Variants in CENPK observed in about 807,000 individuals in gnomAD.
CENPK encodes the protein SoxLZ/Sox6-binding protein Solt.
CENPK carries 46 observed loss-of-function variants against 40.9 expected under a neutral mutation model. That is an observed-to-expected ratio of 1.13 (90% CI 0.89 to 1.44). The LOEUF (loss-of-function observed/expected upper bound fraction) is 1.44, where lower values mean the gene tolerates loss of function less well. Among genes scored for constraint, CENPK ranks in the 40% most tolerant of loss-of-function variants. CENPK has a pLI of 0.00. For synonymous variants in CENPK, 107 were observed against 104.4 expected (o/e 1.02, Z -0.15); for missense variants, 288 against 303.5 (o/e 0.95, Z 0.38).
chr5:65,497,872 A>C, the CENPK span, among the ~76,000 whole-genome samples: 715 of 152,300 alleles, frequency 4.7e-3, 5 homozygotes, highest in African/African-American at 0.017. Flanking sequence ...CCTATTTCAA[A>C]CAAACAAATA....
intron 2 of CENPK, among the ~76,000 whole-genome samples, chr5:65,559,324 C>CATA (rs1561703551): frequency 6.6e-6 from 1 of 152,112 alleles, no homozygotes; most frequent in Non-Finnish European, 1.5e-5. Context: ...ACTTGACAAG[C>CATA]AAATTGTAAA....
chr5:65,512,419 ACT>A, the CENPK span, among the ~76,000 whole-genome samples: 11,275 of 152,210 alleles, frequency 0.074, 424 homozygotes, highest in East Asian at 0.096. Context: ...GGCAAACTTC[ACT>A]GACTTATTTT....
intron 6 of CENPK, among the ~76,000 whole-genome samples, chr5:65,532,264 T>C (rs1442525590): frequency 1.3e-5 from 2 of 152,196 alleles, no homozygotes; most frequent in African/African-American, 4.8e-5. Context: ...TTTTCATCTC[T>C]AAATTTTTAT....
chr5:65,504,431 T>C, the CENPK span, among the ~76,000 whole-genome samples: 1 of 116,974 alleles, frequency 8.5e-6, no homozygotes, highest in Non-Finnish European at 1.6e-5. Context: ...CCCTCCAGCC[T>C]GGGAGACAAG....
At chr5:65,515,368 A>C (rs1026996166), downstream of CENPK, among the ~76,000 whole-genome samples, 2 of 151,714 alleles carry the variant, frequency 1.3e-5, no homozygotes, top group South Asian at 2.1e-4. Context: ...ACGCCCGGCT[A>C]ATTTTTTATA....
chr5:65,501,179 T>G, the CENPK span, among the ~76,000 whole-genome samples: 3 of 132,626 alleles, frequency 2.3e-5, no homozygotes, highest in Non-Finnish European at 4.8e-5. Context: ...AGTTTGTTTT[T>G]TTTTTTTTTT....
At chr5:65,524,135 C>A (rs761148689) in intron 9 of CENPK, among the ~76,000 whole-genome samples, 5 of 151,668 alleles carry the variant, frequency 3.3e-5, no homozygotes, top group Admixed American at 6.6e-5. Flanking sequence ...TAGCACTTTG[C>A]GAGGCCAAGG....
At chr5:65,558,885 T>C (rs1050444874) in intron 2 of CENPK, among the ~76,000 whole-genome samples, 1 of 152,176 alleles carries the variant, frequency 6.6e-6, no homozygotes, top group Non-Finnish European at 1.5e-5. Flanking sequence ...AGAATTATGA[T>C]AGTAGTACTG....
downstream of CENPK, among the ~76,000 whole-genome samples, chr5:65,515,471 G>A (rs1012645729): frequency 1.3e-5 from 2 of 151,988 alleles, no homozygotes; most frequent in Admixed American, 6.6e-5. Context: ...AACAAGTGCT[G>A]GGATTACAGG....
intron 9 of CENPK, among the ~76,000 whole-genome samples, chr5:65,528,222 CAG>C (rs940194587): frequency 4.6e-5 from 7 of 152,150 alleles, no homozygotes; most frequent in African/African-American, 1.4e-4. Context: ...GCCTGGGTGA[CAG>C]AGAGAGACTC....
At position 65,533,301 on chromosome 5, in the gene CENPK, G is replaced by A. The variant is rs375870576; in HGVS notation, c.289-4102C>T. 1.5e-3 allele frequency among the ~76,000 whole-genome samples: 233 copies of A among 151,954 alleles called. 5 individuals carry two copies. The South Asian group carries it at 0.044, about 29-fold the overall frequency. ...GGAGGCAGAGATTGCAGTGAACTGA[G>A]ATCGTGCCATTGCACTCCAGCCTGG... On this transcript the variant is annotated intron_variant, in intron 6 of 10. Coordinates refer to ENST00000396679, the MANE Select transcript of CENPK (RefSeq NM_022145.5).
intron 9 of CENPK, among the ~76,000 whole-genome samples, chr5:65,527,097 CAAAAATAAAAATAAATA>C (rs1289628438): frequency 1.3e-5 from 2 of 151,386 alleles, no homozygotes; most frequent in South Asian, 2.1e-4. Flanking sequence ...ACTCGGTCCC[CAAAAATAAAAATAAATA>C]AAAAATAAAA....
chr5:65,526,001 GAGAGAAAGAAACACAC>G (rs1744643960), intron 9 of CENPK, among the ~76,000 whole-genome samples: 1 of 152,178 alleles, frequency 6.6e-6, no homozygotes. Context: ...TTGTTGGGGA[GAGAGAAAGAAACACAC>G]AGAGAAAGAA....
chr5:65,552,354 A>G (rs1482518271), intron 4 of CENPK, 139 bp downstream of exon 4: 1 of 470,368 alleles, frequency 2.1e-6, no homozygotes, highest in Non-Finnish European at 3.8e-6. Flanking sequence ...AGGAAGAGTA[A>G]GAAGTTTTCC....
At chr5:65,505,981 G>A in the CENPK span, among the ~76,000 whole-genome samples, 2 of 152,148 alleles carry the variant, frequency 1.3e-5, no homozygotes, top group African/African-American at 4.8e-5. Flanking sequence ...TATCCTACTT[G>A]CAGAAATTGT....
the CENPK span, among the ~76,000 whole-genome samples, chr5:65,510,125 C>G: frequency 6.6e-6 from 1 of 152,056 alleles, no homozygotes; most frequent in African/African-American, 2.4e-5. Flanking sequence ...CACTTTAAAT[C>G]AACAGCTGAA....
In CENPK at chr5:65,554,889, C is replaced by A. The variant is rs935938524; in HGVS notation, c.19G>T (p.Asp7Tyr). 2.5e-6 allele frequency: 4 copies of A among 1,587,180 alleles called. No individual in the cohort carries two copies. Among genetic ancestry groups the A allele is most frequent in the African/African-American group, 2.7e-5 (2 of 74,240 alleles). MNQEDLDPDSTTDVGDV... is the reference protein window; with the variant it reads MNQEDLYPDSTTDVGDV... ...CCCACATCTGTAGTACTATCCGGAT[C>A]TAGATCCTCCTGATTCATTGATATA... Residue 7 changes from aspartate to tyrosine, a missense_variant, in exon 3 of 11, where the codon GAT becomes TAT. Asp to Tyr is a radical substitution (Grantham distance 160). Transcript: ENST00000396679.
intron 6 of CENPK, among the ~76,000 whole-genome samples, chr5:65,534,779 A>G (rs2150406052): frequency 6.6e-6 from 1 of 152,336 alleles, no homozygotes; most frequent in Admixed American, 6.5e-5. Flanking sequence ...AAACTTAAAA[A>G]CTTTTAACAG....
At chr5:65,517,546 T>A (rs1336886030), downstream of CENPK, among the ~76,000 whole-genome samples, 3 of 152,142 alleles carry the variant, frequency 2.0e-5, no homozygotes, top group Non-Finnish European at 4.4e-5. Context: ...TTAGAAAATA[T>A]GAAGTAATTA....
Sources: allele counts gnomAD v4.1 joint callset (sites outside exome capture counted in the v4.1 genomes callset), GRCh38; gene constraint gnomAD v4.1.1; transcripts MANE v1.5; gene names NCBI Gene and HGNC (gene_info 2026-07-23, HGNC 2026-07-21).